Variants in RAB23 observed in about 807,000 individuals in gnomAD.
RAB23 encodes ras-related protein Rab-23.
In RAB23, 15 loss-of-function variants were observed where a neutral mutation model predicts 30.0. The ratio of observed to expected loss-of-function variants is 0.50; its 90% CI spans 0.33 to 0.77. The LOEUF is 0.77. RAB23 is among the 30% of genes least tolerant of loss of function. The pLI, the probability that RAB23 is intolerant of heterozygous loss-of-function variation, is 0.02. For missense variants in RAB23, 243 were observed against 275.4 expected (o/e 0.88, Z 0.83); for synonymous variants, 93 against 94.0 (o/e 0.99, Z 0.06).
chr6:57,218,822 C>A (rs1017644966), intron 1 of RAB23, among the ~76,000 whole-genome samples: 4 of 151,240 alleles, frequency 2.6e-5, no homozygotes, highest in African/African-American at 9.7e-5. Flanking sequence ...CCACTGCACT[C>A]CAGCCTGGGT....
intron 3 of RAB23, among the ~76,000 whole-genome samples, chr6:57,203,269 G>A (rs1383750047): frequency 2.0e-5 from 3 of 152,158 alleles, no homozygotes; most frequent in African/African-American, 7.2e-5. Context: ...GCCTCCCAAA[G>A]TGCTGGGATT....
chr6:57,192,853 T>C (rs1262696141), intron 6 of RAB23, among the ~76,000 whole-genome samples: 2 of 151,642 alleles, frequency 1.3e-5, no homozygotes, highest in Non-Finnish European at 2.9e-5. Context: ...TCATTCTCAA[T>C]AGAAGAAAAA....
At chr6:57,212,327 T>C (rs1765687777) in intron 1 of RAB23, among the ~76,000 whole-genome samples, 1 of 152,314 alleles carries the variant, frequency 6.6e-6, no homozygotes, top group Middle Eastern at 3.4e-3. Context: ...AGAAATGCAC[T>C]GCAGTCTGGA....
chr6:57,195,142 A>C (rs922183215), intron 4 of RAB23, among the ~76,000 whole-genome samples: 1 of 152,218 alleles, frequency 6.6e-6, no homozygotes, highest in Non-Finnish European at 1.5e-5. Flanking sequence ...TACATAGAAG[A>C]CTTTTCTATA....
At chr6:57,207,776 T>C (rs1269847123) in intron 2 of RAB23, 63 bp from the exon 3 acceptor site, 1 of 1,110,040 alleles carries the variant, frequency 9.0e-7, no homozygotes, top group East Asian at 2.4e-5. Context: ...TATAGCTTTG[T>C]GTATATTTTT....
intron 1 of RAB23, among the ~76,000 whole-genome samples, chr6:57,216,911 A>T (rs1418632599): frequency 6.6e-6 from 1 of 152,202 alleles, no homozygotes; most frequent in East Asian, 1.9e-4. Flanking sequence ...GCATATAATG[A>T]GCAGTGAGGA....
At chr6:57,206,769 CT>C (rs1298718591) in intron 3 of RAB23, among the ~76,000 whole-genome samples, 1 of 152,152 alleles carries the variant, frequency 6.6e-6, no homozygotes, top group African/African-American at 2.4e-5. Context: ...GAAGTTGTGT[CT>C]TTAGAAAACA....
chr6:57,191,018 G>C (rs1314517346), intron 6 of RAB23, among the ~76,000 whole-genome samples: 1 of 152,056 alleles, frequency 6.6e-6, no homozygotes, highest in Non-Finnish European at 1.5e-5. Flanking sequence ...ATGTCTTCAA[G>C]GTTCATCCAA....
In RAB23 at chr6:57,188,641, T is replaced by G. The variant is rs144680472; in HGVS notation, c.*1820A>C. On this transcript the variant is annotated 3_prime_UTR_variant, in exon 7 of 7. Coordinates refer to ENST00000468148, the MANE Select transcript of RAB23 (RefSeq NM_016277.5). ...TGACTCATTAGCAGTATCCACTGTT[T>G]GTTAGGAACTGAATTTTGCCCCCAA... The G allele has an allele frequency of 6.6e-6, 1 of 152,314 alleles. No homozygotes were observed. Among genetic ancestry groups the G allele is most frequent in the East Asian group, 1.9e-4 (1 of 5,186 alleles). The allele number at this position is 152,314 out of a possible 1,614,324, so 9.4% of individuals were successfully genotyped here. A position where few individuals can be genotyped will look rare whatever the true frequency, so the allele number is the denominator to read the frequency against.
intron 3 of RAB23, among the ~76,000 whole-genome samples, chr6:57,201,084 C>CTTTTTTTTTTTTTT (rs201367113): frequency 1.5e-5 from 2 of 136,906 alleles, no homozygotes; most frequent in African/African-American, 6.1e-5. Context: ...TTTTCTCTCT[C>CTTTTTTTTTTTTTT]TCTTTTTTTT....
chr6:57,217,444 G>A (rs1765892130), intron 1 of RAB23, among the ~76,000 whole-genome samples: 1 of 152,012 alleles, frequency 6.6e-6, no homozygotes, highest in Non-Finnish European at 1.5e-5. Flanking sequence ...GAGTAGGTGG[G>A]ACTACACGCA....
At chr6:57,211,237 A>C (rs963967263) in intron 1 of RAB23, among the ~76,000 whole-genome samples, 2 of 152,100 alleles carry the variant, frequency 1.3e-5, no homozygotes, top group Non-Finnish European at 2.9e-5. Flanking sequence ...GATCGCTTGA[A>C]GCCAGGAGTT....
At chr6:57,214,247 G>C (rs1765757016) in intron 1 of RAB23, among the ~76,000 whole-genome samples, 1 of 152,174 alleles carries the variant, frequency 6.6e-6, no homozygotes, top group Non-Finnish European at 1.5e-5. Context: ...TTCCCAGCCA[G>C]GGTGGTATCA....
chr6:57,204,953 T>TATATGTGTATATACACATACACATAC (rs1243602568), intron 3 of RAB23, among the ~76,000 whole-genome samples: 15 of 151,796 alleles, frequency 9.9e-5, no homozygotes, highest in Non-Finnish European at 2.1e-4. Flanking sequence ...TAAATATAGA[T>TATATGTGTATATACACATACACATAC]ATATGTGTAT....
rs1482873771 is a variant in RAB23 at position 57,208,072 on chromosome 6, T to C, written c.156-359A>G. Reference sequence around the variant, plus strand: ...AAACCTTCCTGAGTCAGAGACCACATGTACACTGTCAGTTTCACCCTGAAA... The same window carrying C: ...AAACCTTCCTGAGTCAGAGACCACACGTACACTGTCAGTTTCACCCTGAAA... On this transcript the variant is annotated intron_variant, in intron 2 of 6. Transcript: ENST00000468148. Among the ~76,000 whole-genome samples, 12 of 152,222 alleles carry C rather than the reference T, an allele frequency of 7.9e-5. 1 individual carries two copies. In the East Asian group the frequency reaches 9.6e-4, roughly 12 times the overall value.
intron 1 of RAB23, among the ~76,000 whole-genome samples, chr6:57,213,300 G>A (rs1765720269): frequency 1.3e-5 from 2 of 152,132 alleles, no homozygotes; most frequent in South Asian, 4.2e-4. Flanking sequence ...ACCAGTCCAC[G>A]GCCTGGGAGT....
At chr6:57,217,405 A>G (rs1269066627) in intron 1 of RAB23, among the ~76,000 whole-genome samples, 1 of 152,042 alleles carries the variant, frequency 6.6e-6, no homozygotes, top group African/African-American at 2.4e-5. Flanking sequence ...TCCCCCTCCC[A>G]TGTTCAAACA....
At chr6:57,191,474 G>A (rs144157037) in intron 6 of RAB23, among the ~76,000 whole-genome samples, 357 of 152,096 alleles carry the variant, frequency 2.3e-3, no homozygotes, top group African/African-American at 8.3e-3. Flanking sequence ...TTTTGAAGAC[G>A]GAGTCTCGCT....
chr6:57,192,444 C>T (rs2127997147), intron 6 of RAB23, among the ~76,000 whole-genome samples: 1 of 152,266 alleles, frequency 6.6e-6, no homozygotes, highest in South Asian at 2.1e-4. Flanking sequence ...TGCCATATGA[C>T]ATTATATGTT....
Sources: gnomAD v4.1 joint callset for allele counts (sites outside exome capture counted in the v4.1 genomes callset) on GRCh38, gnomAD v4.1.1 for gene constraint, MANE v1.5 for transcripts, NCBI Gene and HGNC (gene_info 2026-07-23, HGNC 2026-07-21) for gene names.